Variants in CNTN4 observed in about 807,000 individuals in gnomAD.
CNTN4 encodes the protein contactin 4, also known as contactin-4.
CNTN4 carries 77 observed loss-of-function variants against 122.5 expected under a neutral mutation model. The observed-to-expected ratio is 0.63, with a 90% CI of 0.52 to 0.76. The LOEUF (loss-of-function observed/expected upper bound fraction) is 0.76, where lower values mean the gene tolerates loss of function less well. CNTN4 is among the 30% of genes least tolerant of loss of function. The pLI is 0.00. For missense variants in CNTN4, 1,256 were observed against 1,259.1 expected (o/e 1.00, Z 0.04); for synonymous variants, 512 against 447.0 (o/e 1.15, Z -1.83).
chr3:2,703,284 A>G (rs2086460078), intron 4 of CNTN4, among the ~76,000 whole-genome samples: 1 of 152,152 alleles, frequency 6.6e-6, no homozygotes, highest in Admixed American at 6.5e-5. Flanking sequence ...TAAATTAGAC[A>G]TGTTATGGTA....
chr3:2,595,801 C>A (rs1413564191), intron 4 of CNTN4, among the ~76,000 whole-genome samples: 1 of 151,946 alleles, frequency 6.6e-6, no homozygotes, highest in Admixed American at 6.5e-5. Flanking sequence ...TTTAAACTTA[C>A]AACAGTAGAT....
At chr3:2,989,813 C>T (rs184118583) in intron 14 of CNTN4, among the ~76,000 whole-genome samples, 2 of 152,266 alleles carry the variant, frequency 1.3e-5, no homozygotes, top group Non-Finnish European at 2.9e-5. Context: ...TAATGTATGA[C>T]TGTCTTGGCT....
At chr3:2,407,620 C>T (rs754604921) in intron 3 of CNTN4, among the ~76,000 whole-genome samples, 16 of 152,156 alleles carry the variant, frequency 1.1e-4, no homozygotes, top group Admixed American at 2.6e-4. Context: ...CCACATACTT[C>T]GTACTTGCTT....
intron 3 of CNTN4, among the ~76,000 whole-genome samples, chr3:2,462,263 G>A (rs2049242881): frequency 6.6e-6 from 1 of 152,138 alleles, no homozygotes; most frequent in South Asian, 2.1e-4. Context: ...TATCATGACT[G>A]CAATTCTGGG....
chr3:2,584,672 G>A (rs972562652), intron 4 of CNTN4, among the ~76,000 whole-genome samples: 7 of 124,638 alleles, frequency 5.6e-5, no homozygotes, highest in Non-Finnish European at 1.1e-4. Flanking sequence ...ACTCCAGCCT[G>A]GATGACAAAA....
chr3:3,008,136 G>A (rs1167987633), intron 14 of CNTN4, among the ~76,000 whole-genome samples: 3 of 152,110 alleles, frequency 2.0e-5, no homozygotes, highest in African/African-American at 7.2e-5. Context: ...CCTACTAAGA[G>A]AGAAGAGGTA....
intron 3 of CNTN4, among the ~76,000 whole-genome samples, chr3:2,404,169 A>C (rs779981236): frequency 8.5e-5 from 13 of 152,154 alleles, no homozygotes; most frequent in Non-Finnish European, 1.5e-4. Flanking sequence ...AATTACCACA[A>C]ATTTAGTGGC....
chr3:2,494,159 A>T (rs1287407451), intron 3 of CNTN4, among the ~76,000 whole-genome samples: 5 of 152,164 alleles, frequency 3.3e-5, no homozygotes, highest in African/African-American at 9.7e-5. Flanking sequence ...GAAAGGATTT[A>T]TGTTTAGCCA....
intron 3 of CNTN4, among the ~76,000 whole-genome samples, chr3:2,449,732 G>C (rs187933625): frequency 6.6e-6 from 1 of 152,018 alleles, no homozygotes; most frequent in Non-Finnish European, 1.5e-5. Flanking sequence ...TAAAAATGTG[G>C]TATATTTATG....
intron 7 of CNTN4, among the ~76,000 whole-genome samples, chr3:2,835,815 A>G (rs2093213114): frequency 6.6e-6 from 1 of 152,174 alleles, no homozygotes; most frequent in Admixed American, 6.5e-5. Flanking sequence ...AATCCTGGAA[A>G]TCAAAATCAG....
At chr3:2,958,844 AG>A (rs1193178308) in intron 13 of CNTN4, among the ~76,000 whole-genome samples, 2 of 152,158 alleles carry the variant, frequency 1.3e-5, no homozygotes, top group Non-Finnish European at 2.9e-5. Context: ...TGCTCAACCT[AG>A]GAAGTCTAGA....
chr3:2,121,066 G>A (rs191751836), intron 2 of CNTN4, among the ~76,000 whole-genome samples: 17 of 149,692 alleles, frequency 1.1e-4, no homozygotes, highest in African/African-American at 3.9e-4. Flanking sequence ...GAATTTTAAT[G>A]ACTTCCTTCC....
intron 6 of CNTN4, among the ~76,000 whole-genome samples, chr3:2,778,861 A>G (rs2091454762): frequency 6.6e-6 from 1 of 152,220 alleles, no homozygotes; most frequent in Admixed American, 6.5e-5. Context: ...CAAATTACTC[A>G]CAAGATTATA....
Position 2,836,110 on chromosome 3 carries a change from C to T in CNTN4, c.454+16529C>T, listed in dbSNP as rs1032925987. On this transcript the variant is annotated intron_variant, in intron 7 of 24. Transcript: ENST00000418658. Reference sequence around the variant, plus strand: ...ACAACTCTATGATCATTTAAACATCCGGATGAAATGAATTATCTATTAAGA... The same window carrying T: ...ACAACTCTATGATCATTTAAACATCTGGATGAAATGAATTATCTATTAAGA... Among the ~76,000 whole-genome samples the T allele has an allele frequency of 1.5e-4, 23 of 151,780 alleles. 1 individual carries two copies. Among genetic ancestry groups the T allele is most frequent in the Admixed American group, 9.8e-4 (15 of 15,250 alleles).
In CNTN4 at chr3:2,640,722, A is replaced by G. The variant is rs201072932; in HGVS notation, c.55+69164A>G. Among the ~76,000 whole-genome samples the G allele has an allele frequency of 1.1e-4, 16 of 152,284 alleles. No individual in the cohort carries two copies. In the East Asian group the frequency reaches 3.1e-3, roughly 29 times the overall value. The stretch of plus-strand genomic sequence containing the variant: ...ACACTTTGTATGAGGAAGGTCTATG[A>G]TCAGAAATACTAACATCACTATTCA... On this transcript the variant is annotated intron_variant, in intron 4 of 24. Coordinates refer to ENST00000418658, the MANE Select transcript of CNTN4 (RefSeq NM_175607.3).
chr3:2,697,302 T>A (rs951121200), intron 4 of CNTN4, among the ~76,000 whole-genome samples: 1 of 152,248 alleles, frequency 6.6e-6, no homozygotes, highest in Non-Finnish European at 1.5e-5. Context: ...CTGTTTCTCC[T>A]GCTTTTGCAA....
At chr3:2,329,678 C>T (rs1559458441) in intron 2 of CNTN4, among the ~76,000 whole-genome samples, 1 of 152,098 alleles carries the variant, frequency 6.6e-6, no homozygotes, top group Non-Finnish European at 1.5e-5. Flanking sequence ...CTTTGACTCA[C>T]AGAACTTTAG....
intron 2 of CNTN4, among the ~76,000 whole-genome samples, chr3:2,253,130 AATTGAAATTGGT>A (rs776427255): frequency 0.11 from 16,385 of 152,000 alleles, 1,063 homozygotes; most frequent in Middle Eastern, 0.15. Flanking sequence ...TTTTCAATTG[AATTGAAATTGGT>A]CAAGGTAACT....
intron 3 of CNTN4, among the ~76,000 whole-genome samples, chr3:2,384,599 C>T (rs1485297794): frequency 1.3e-5 from 2 of 152,124 alleles, no homozygotes; most frequent in Non-Finnish European, 2.9e-5. Flanking sequence ...AAATGCCCAG[C>T]TAAATCAGGA....
Sources: gnomAD v4.1 joint callset for allele counts (sites outside exome capture counted in the v4.1 genomes callset) on GRCh38, gnomAD v4.1.1 for gene constraint, MANE v1.5 for transcripts, NCBI Gene and HGNC (gene_info 2026-07-23, HGNC 2026-07-21) for gene names.